DNAJC13: variants seen among roughly 807,000 people sequenced by gnomAD.
DNAJC13 encodes DnaJ heat shock protein family (Hsp40) member C13.
A neutral mutation model predicts 290.5 loss-of-function variants in DNAJC13; 75 were observed. The observed-to-expected ratio is 0.26, with a 90% CI of 0.21 to 0.31. The LOEUF is 0.31. Among genes scored for constraint, DNAJC13 ranks in the 10% least tolerant of loss-of-function variants. The probability of loss-of-function intolerance (pLI) is 1.00; values close to 1 mark genes in which losing one functional copy is unlikely to be tolerated. For synonymous variants in DNAJC13, 862 were observed against 892.0 expected (o/e 0.97, Z 0.60); for missense variants, 2,260 against 2,674.5 (o/e 0.85, Z 3.42).
chr3:132,473,970 C>CTTGAAAT (rs1167290670), intron 21 of DNAJC13, among the ~76,000 whole-genome samples: 11 of 152,266 alleles, frequency 7.2e-5, no homozygotes, highest in African/African-American at 2.2e-4. Context: ...GGATTGCAGA[C>CTTGAAAT]TTGAAAGTAA....
rs568166439 is a variant in DNAJC13 at position 132,421,340 on chromosome 3, A to G, written c.-14+3580A>G. Among the ~76,000 whole-genome samples the G allele has an allele frequency of 1.6e-4, 24 of 152,378 alleles. No homozygotes were observed. The South Asian group carries it at 4.8e-3, about 30-fold the overall frequency. On this transcript the variant is annotated intron_variant, in intron 1 of 55. Transcript: ENST00000260818. ...TCCTGTTAAAATTCACATGATCAAG[A>G]AAGCATTATAGCAGAATTGACTATA...
intron 43 of DNAJC13, among the ~76,000 whole-genome samples, chr3:132,509,990 A>G (rs1935722955): frequency 6.6e-6 from 1 of 152,162 alleles, no homozygotes; most frequent in Non-Finnish European, 1.5e-5. Context: ...TGATGGGGTG[A>G]CCACTGACAG....
chr3:132,437,016 T>C (rs576794114), intron 2 of DNAJC13, among the ~76,000 whole-genome samples: 3 of 151,986 alleles, frequency 2.0e-5, no homozygotes, highest in African/African-American at 4.8e-5. Context: ...GTAGCTGGGA[T>C]TACAGGCACA....
chr3:132,466,337 C>T lies in DNAJC13; in HGVS notation c.2007C>T (p.Leu669=), dbSNP rs374642885. Residue 669 remains leucine, a synonymous_variant, in exon 19 of 56, where the codon CTC becomes CTT. Coordinates refer to ENST00000260818, the MANE Select transcript of DNAJC13 (RefSeq NM_015268.4). ...TGGCATACTTGGAAAGCTCAGATCT[C>T]GTACCTGAGAAGGATGCTGATCGGA... is the stretch of plus-strand genomic sequence containing the variant. ...GLLAYLESSD[L]VPEKDADRMH... 18 of 1,600,100 alleles carry T rather than the reference C, an allele frequency of 1.1e-5. No individual in the cohort carries two copies. Among genetic ancestry groups the T allele is most frequent in the African/African-American group, 6.8e-5 (5 of 73,988 alleles).
chr3:132,452,757 C>G lies in DNAJC13; in HGVS notation c.538-541C>G, dbSNP rs146875354. Among the ~76,000 whole-genome samples the G allele has an allele frequency of 1.4e-3, 218 of 152,278 alleles. 2 individuals carry two copies. The highest frequency in any genetic ancestry group is 5.1e-3 in the African/African-American group (210 of 41,560). On this transcript the variant is annotated intron_variant, in intron 6 of 55. Transcript: ENST00000260818. ...CTCTGAAGTCTGAAATAGTTCTGAT[C>G]CCAAGCATTTCAAATAACAGATACT... is the stretch of plus-strand genomic sequence containing the variant.
chr3:132,534,526 T>A (rs1005173109), intron 55 of DNAJC13, among the ~76,000 whole-genome samples: 2 of 152,122 alleles, frequency 1.3e-5, no homozygotes, highest in African/African-American at 4.8e-5. Flanking sequence ...GGCATGTTGG[T>A]GCATGCCTGT....
chr3:132,494,185 A>T lies in DNAJC13; in HGVS notation c.3867A>T (p.Glu1289Asp), dbSNP rs1559896570. ...LKDTLDAWKKEVEKKPPMMSI... is the reference protein window; with the variant it reads ...LKDTLDAWKKDVEKKPPMMSI... ...ATACCCTTGATGCCTGGAAGAAAGA[A>T]GTAGAAAAGAAGCCACCTATGATGT... Residue 1289 changes from glutamate to aspartate, a missense_variant, in exon 34 of 56, where the codon GAA becomes GAT. By Grantham distance (45) the Glu-to-Asp change is conservative. This residue lies in a region of DNAJC13 where 1,494 missense variants were observed against 1,693.7 expected (regional missense o/e 0.88). Transcript: ENST00000260818. The T allele has an allele frequency of 6.2e-7, 1 of 1,612,960 alleles. No individual in the cohort carries two copies.
chr3:132,425,316 A>G (rs1441865877), intron 1 of DNAJC13, among the ~76,000 whole-genome samples: 1 of 152,128 alleles, frequency 6.6e-6, no homozygotes, highest in Non-Finnish European at 1.5e-5. Flanking sequence ...TGGTTTTGGA[A>G]TGTAGCATTG....
chr3:132,448,566 TTTC>T (rs541141904), intron 5 of DNAJC13, among the ~76,000 whole-genome samples: 87 of 152,262 alleles, frequency 5.7e-4, no homozygotes, highest in Admixed American at 1.2e-3. Context: ...AGATATTAAA[TTTC>T]TTCCCATTAG....
At chr3:132,463,889 C>G in intron 17 of DNAJC13, 72 bp downstream of exon 17, 9 of 1,497,630 alleles carry the variant, frequency 6.0e-6, no homozygotes, top group Non-Finnish European at 8.2e-6. Context: ...TTACATAAAA[C>G]TAAATGTGTT....
At chr3:132,452,030 C>T (rs1933431276) in intron 6 of DNAJC13, among the ~76,000 whole-genome samples, 1 of 152,162 alleles carries the variant, frequency 6.6e-6, no homozygotes, top group Non-Finnish European at 1.5e-5. Flanking sequence ...TAGTGCTATC[C>T]ATAGACTGTC....
intron 2 of DNAJC13, among the ~76,000 whole-genome samples, chr3:132,443,747 G>A (rs925992634): frequency 1.3e-5 from 2 of 152,072 alleles, no homozygotes; most frequent in East Asian, 1.9e-4. Flanking sequence ...GGAGGGGAAG[G>A]GAGTTCTCTT....
chr3:132,496,707 C>T (rs773358954), intron 36 of DNAJC13, 44 bp downstream of exon 36: 1 of 1,548,784 alleles, frequency 6.5e-7, no homozygotes, highest in South Asian at 1.3e-5. Context: ...TCCAGCTAAC[C>T]TTATCACAGC....
Position 132,511,097 on chromosome 3 carries a change from G to A in DNAJC13, c.5146G>A (p.Asp1716Asn). ...AAAAGCATTTGCTGCAAGTCTCTTG[G>A]ATTATATAGGCTCGCAGGCCCAATA... ...VPKAFAASLL[D>N]YIGSQAQYLH... Residue 1716 changes from aspartate to asparagine, a missense_variant, in exon 44 of 56, where the codon GAT (aspartate) becomes AAT (asparagine). Physicochemically the swap from Asp to Asn is conservative, Grantham distance 23. Coordinates refer to ENST00000260818, the MANE Select transcript of DNAJC13 (RefSeq NM_015268.4). The A allele has an allele frequency of 6.2e-7, 1 of 1,613,694 alleles. No individual in the cohort carries two copies. Among genetic ancestry groups the A allele is most frequent in the Non-Finnish European group, 8.5e-7 (1 of 1,179,760 alleles).
rs573857472 is a variant in DNAJC13 at position 132,506,045 on chromosome 3, C to CTTT, written c.4998+651_4998+653dup. ...CGGGTCTTACATGTCTGTACATTAT[C>CTTT]TTTTTTTTTTTTTTTTTTTTTTTGA... On this transcript the variant is annotated intron_variant, in intron 42 of 55. Transcript: ENST00000260818. Among the ~76,000 whole-genome samples the CTTT allele has an allele frequency of 1.6e-3, 117 of 72,642 alleles. 1 individual carries two copies. Among genetic ancestry groups the CTTT allele is most frequent in the Non-Finnish European group, 2.4e-3 (87 of 36,922 alleles). 47.7% of individuals were successfully genotyped at this position (72,642 alleles called of 152,430 possible). A position where few individuals can be genotyped will look rare whatever the true frequency, so the allele number is the denominator to read the frequency against.
chr3:132,470,670 CA>C (rs1934188313), intron 20 of DNAJC13, among the ~76,000 whole-genome samples: 1 of 124,822 alleles, frequency 8.0e-6, no homozygotes, highest in African/African-American at 3.1e-5. Context: ...GGGGGGCCGA[CA>C]CCCCCACCTC....
chr3:132,488,351 C>T lies in DNAJC13; in HGVS notation c.3321C>T (p.Tyr1107=), dbSNP rs200607607. Residue 1107 remains tyrosine, a synonymous_variant, in exon 30 of 56, where the codon TAC becomes TAT. Coordinates refer to ENST00000260818, the MANE Select transcript of DNAJC13 (RefSeq NM_015268.4). ...TTGAGAAGGTTGCTATTTTGTTATA[C>T]CATATCATGCAAGATAACCCACAGT... The part of the protein sequence containing the change: ...ILVEKVAILL[Y]HIMQDNPQLP... 1.9e-4 allele frequency: 308 copies of T among 1,613,390 alleles called. 1 individual carries two copies. The South Asian group carries it at 3.0e-3, about 16-fold the overall frequency.
At chr3:132,423,707 A>G (rs900851351) in intron 1 of DNAJC13, among the ~76,000 whole-genome samples, 1 of 152,194 alleles carries the variant, frequency 6.6e-6, no homozygotes. Flanking sequence ...GCTATTTTGT[A>G]TTGAGTGAAG....
In DNAJC13 at chr3:132,511,188, T is replaced by C; in HGVS notation, c.5237T>C (p.Leu1746Ser). Residue 1746 changes from leucine to serine, a missense_variant, in exon 44 of 56, where the codon TTA becomes TCA. By Grantham distance (145) the Leu-to-Ser change is moderately radical. This residue lies in a region of DNAJC13 where 1,494 missense variants were observed against 1,693.7 expected (regional missense o/e 0.88). Transcript: ENST00000260818. ...GAGTCAGAGCAACATGGAGATCGCT[T>C]ACCGAGAGTAGAAATGGCTTTGGAG... is the stretch of plus-strand genomic sequence containing the variant. ...KVESEQHGDR[L>S]PRVEMALEAL... is the part of the protein sequence containing the mutation. 1 of 1,613,986 alleles carries C rather than the reference T, an allele frequency of 6.2e-7. No individual in the cohort carries two copies.
Sources: allele counts gnomAD v4.1 joint callset (sites outside exome capture counted in the v4.1 genomes callset), GRCh38; gene constraint gnomAD v4.1.1; regional missense constraint gnomAD v4.1.1; transcripts MANE v1.5; gene names NCBI Gene and HGNC (gene_info 2026-07-23, HGNC 2026-07-21).